The following HNMT variants were observed in gnomAD, a reference collection of about 807,000 sequenced individuals.
HNMT encodes the protein histamine N-methyltransferase.
HNMT carries 30 observed loss-of-function variants against 32.1 expected under a neutral mutation model. That is an observed-to-expected ratio of 0.93 (90% confidence interval 0.70 to 1.27). The LOEUF is 1.27. Among genes scored for constraint, HNMT ranks in the 50% most tolerant of loss-of-function variants. The pLI is 0.00. For missense variants in HNMT, 327 were observed against 346.0 expected (o/e 0.95, Z 0.43); for synonymous variants, 125 against 119.0 (o/e 1.05, Z -0.33).
Position 137,964,538 on chromosome 2 carries a change from T to C in HNMT, c.47T>C (p.Val16Ala). 1 of 1,613,384 alleles carries C rather than the reference T, an allele frequency of 6.2e-7. No individual in the cohort carries two copies. The highest frequency in any genetic ancestry group is 8.5e-7 in the Non-Finnish European group (1 of 1,179,408). Residue 16 changes from valine (V) to alanine (A), a missense_variant, in exon 1 of 6, where the codon GTT (valine) becomes GCT (alanine). Transcript: ENST00000280097. ...TTGTTTTCTGACCACGGGAAATATG[T>C]TGAATCTTTCCGGAGGTTTCTCAAC... ...RSLFSDHGKY[V>A]ESFRRFLNHS...
At chr2:137,985,959 ACT>A (rs1218584824) in intron 2 of HNMT, among the ~76,000 whole-genome samples, 1 of 152,106 alleles carries the variant, frequency 6.6e-6, no homozygotes, top group Non-Finnish European at 1.5e-5. Flanking sequence ...ACAGAGCGAG[ACT>A]CCATCTCAAA....
chr2:137,992,940 T>C (rs1420975880), intron 2 of HNMT, among the ~76,000 whole-genome samples: 2 of 151,900 alleles, frequency 1.3e-5, no homozygotes, highest in Non-Finnish European at 2.9e-5. Context: ...GCAGCAGCCC[T>C]ACAGAAGAGG....
chr2:137,995,374 A>C (rs1450736455), intron 2 of HNMT, among the ~76,000 whole-genome samples: 3 of 152,222 alleles, frequency 2.0e-5, no homozygotes, highest in Non-Finnish European at 4.4e-5. Flanking sequence ...ACCATCAGAG[A>C]ATACTATAAA....
chr2:138,013,382 T>C (rs1681567169), intron 5 of HNMT, among the ~76,000 whole-genome samples: 1 of 152,070 alleles, frequency 6.6e-6, no homozygotes, highest in Admixed American at 6.6e-5. Context: ...CCTGGCTAGT[T>C]CTTTAATGGG....
chr2:138,009,856 A>G (rs1176400110), intron 5 of HNMT, among the ~76,000 whole-genome samples: 2 of 152,104 alleles, frequency 1.3e-5, no homozygotes, highest in Non-Finnish European at 2.9e-5. Context: ...ACCCCTGTTT[A>G]GGAACCATTG....
At chr2:138,010,468 CACACACACACACACAG>C (rs1390698828) in intron 5 of HNMT, among the ~76,000 whole-genome samples, 223 of 146,694 alleles carry the variant, frequency 1.5e-3, no homozygotes, top group Non-Finnish European at 1.8e-3. Flanking sequence ...CACACACACA[CACACACACACACACAG>C]CAAATGGAAG....
chr2:137,975,422 G>T (rs1680258259), intron 2 of HNMT, among the ~76,000 whole-genome samples: 1 of 152,132 alleles, frequency 6.6e-6, no homozygotes, highest in Non-Finnish European at 1.5e-5. Flanking sequence ...TTCTGTCATT[G>T]CACCTATCTG....
intron 2 of HNMT, among the ~76,000 whole-genome samples, chr2:137,979,320 G>C (rs1029165502): frequency 6.6e-6 from 1 of 151,430 alleles, no homozygotes; most frequent in Non-Finnish European, 1.5e-5. Context: ...GCCCAGGCTG[G>C]AGTGCAGTGG....
intron 2 of HNMT, chr2:137,981,594 G>T: frequency 3.7e-6 from 2 of 535,760 alleles, no homozygotes; most frequent in Non-Finnish European, 3.3e-6. Context: ...ACATTTAGTG[G>T]GTGCTCAATA....
chr2:137,964,786 C>G (rs1308200116), intron 1 of HNMT, among the ~76,000 whole-genome samples, 158 bp downstream of exon 1: 1 of 152,162 alleles, frequency 6.6e-6, no homozygotes, highest in African/African-American at 2.4e-5. Flanking sequence ...CCTGCCCTGC[C>G]TTTCTCCTGC....
chr2:137,997,285 T>C (rs982550087), intron 2 of HNMT, among the ~76,000 whole-genome samples: 1 of 151,774 alleles, frequency 6.6e-6, no homozygotes, highest in Non-Finnish European at 1.5e-5. Flanking sequence ...CTGACAAAGA[T>C]CTAATATCCA....
intron 2 of HNMT, among the ~76,000 whole-genome samples, chr2:138,000,141 T>C (rs1444752759): frequency 6.6e-6 from 1 of 152,112 alleles, no homozygotes; most frequent in East Asian, 1.9e-4. Context: ...GTTCCAAATA[T>C]ACTCTTTTAT....
chr2:137,990,477 G>A (rs911417822), intron 2 of HNMT, among the ~76,000 whole-genome samples: 3 of 152,060 alleles, frequency 2.0e-5, no homozygotes, highest in African/African-American at 7.2e-5. Context: ...AGGCTGTTTT[G>A]ATTCATATAG....
intron 2 of HNMT, among the ~76,000 whole-genome samples, chr2:137,997,272 C>T (rs1681025838): frequency 6.6e-6 from 1 of 151,792 alleles, no homozygotes; most frequent in Admixed American, 6.6e-5. Context: ...GTGCTCTACC[C>T]ATCTGACAAA....
intron 4 of HNMT, among the ~76,000 whole-genome samples, chr2:138,003,503 T>C (rs1681244022): frequency 6.6e-6 from 1 of 152,084 alleles, no homozygotes; most frequent in Non-Finnish European, 1.5e-5. Context: ...ATACAGGCAA[T>C]TCTATGTCTC....
At chr2:137,986,768 A>G (rs945169930) in intron 2 of HNMT, among the ~76,000 whole-genome samples, 9 of 152,248 alleles carry the variant, frequency 5.9e-5, no homozygotes, top group African/African-American at 2.2e-4. Flanking sequence ...ATTAAAAATA[A>G]GCTATAATTC....
At position 138,002,109 on chromosome 2, in the gene HNMT, G is replaced by C. The variant is rs751222582; in HGVS notation, c.344G>C (p.Trp115Ser). The change falls in exon 4 of 6, where the codon TGG becomes TCG. Residue 115 changes from tryptophan (W) to serine (S), a missense_variant. Physicochemically the swap from Trp to Ser is radical, Grantham distance 177. Coordinates refer to ENST00000280097, the MANE Select transcript of HNMT (RefSeq NM_006895.3). ...AACCTCGAGAACGTAAAGTTTGCTTGGCATAAGGAGACATCATCTGAATAC... is the reference window on the plus strand; with the variant it reads ...AACCTCGAGAACGTAAAGTTTGCTTCGCATAAGGAGACATCATCTGAATAC... ...TSNLENVKFA[W>S]HKETSSEYQS... 3.0e-5 allele frequency: 48 copies of C among 1,601,782 alleles called. No individual in the cohort carries two copies. Among genetic ancestry groups the C allele is most frequent in the Non-Finnish European group, 3.4e-6 (4 of 1,174,068 alleles).
intron 3 of HNMT, 80 bp downstream of exon 3, chr2:138,001,105 A>G: frequency 1.5e-6 from 1 of 676,926 alleles, no homozygotes; most frequent in South Asian, 2.1e-5. Flanking sequence ...ATGATTAAAA[A>G]TATAGTTACT....
chr2:137,987,288 T>G (rs568281135), intron 2 of HNMT, among the ~76,000 whole-genome samples: 1 of 152,258 alleles, frequency 6.6e-6, no homozygotes, highest in South Asian at 2.1e-4. Context: ...GACTATAAAC[T>G]GAGCATGTAT....
Sources: allele counts gnomAD v4.1 joint callset (sites outside exome capture counted in the v4.1 genomes callset), GRCh38; gene constraint gnomAD v4.1.1; transcripts MANE v1.5; gene names NCBI Gene and HGNC (gene_info 2026-07-23, HGNC 2026-07-21).